The following PIK3C3 variants were observed in gnomAD, a reference collection of about 807,000 sequenced individuals.
PIK3C3 encodes the protein phosphatidylinositol 3-kinase catalytic subunit type 3.
In PIK3C3, 95 loss-of-function variants were observed where a neutral mutation model predicts 126.1. The ratio of observed to expected loss-of-function variants is 0.75; its 90% CI spans 0.64 to 0.89. The LOEUF is 0.89. PIK3C3 is among the 40% of genes least tolerant of loss of function. PIK3C3 has a pLI of 0.00. For synonymous variants in PIK3C3, 374 were observed against 360.0 expected (o/e 1.04, Z -0.44); for missense variants, 829 against 1,063.2 (o/e 0.78, Z 3.06).
intron 10 of PIK3C3, among the ~76,000 whole-genome samples, chr18:42,009,942 G>A (rs1315663168): frequency 2.0e-5 from 3 of 152,074 alleles, no homozygotes. Flanking sequence ...GCAGAAGGTT[G>A]GGTTACCTGT....
At chr18:42,023,880 G>A (rs1003322288) in intron 13 of PIK3C3, among the ~76,000 whole-genome samples, 4 of 151,986 alleles carry the variant, frequency 2.6e-5, no homozygotes, top group East Asian at 1.9e-4. Flanking sequence ...TCCCTTTCTG[G>A]TGATTTAAAC....
Position 42,015,495 on chromosome 18 carries a change from C to T in PIK3C3, c.1345C>T (p.Pro449Ser). The change falls in exon 12 of 25, where the codon CCC (proline) becomes TCC (serine). Residue 449 changes from proline to serine, a missense_variant. By Grantham distance (74) the Pro-to-Ser change is moderately conservative (BLOSUM62 -1). Coordinates refer to ENST00000262039, the MANE Select transcript of PIK3C3 (RefSeq NM_002647.4). Reference protein sequence around the residue: ...EIDSSQIITSPLPSVSSPPPA... With the variant: ...EIDSSQIITSSLPSVSSPPPA... Reference sequence around the variant, plus strand: ...TTTCAGCTCCCAAATTATAACCAGCCCCCTTCCTTCAGTCTCTTCACCTCC... The same window carrying T: ...TTTCAGCTCCCAAATTATAACCAGCTCCCTTCCTTCAGTCTCTTCACCTCC... The T allele has an allele frequency of 4.3e-6, 7 of 1,613,410 alleles. No individual in the cohort carries two copies. The highest frequency in any genetic ancestry group is 5.9e-6 in the Non-Finnish European group (7 of 1,179,650).
intron 12 of PIK3C3, among the ~76,000 whole-genome samples, chr18:42,017,883 ACT>A (rs1414813179): frequency 3.3e-5 from 5 of 151,180 alleles, no homozygotes; most frequent in Non-Finnish European, 5.9e-5. Flanking sequence ...CTAGTTTAAC[ACT>A]CTGTTTTATA....
intron 7 of PIK3C3, 76 bp from the exon 8 acceptor site, chr18:41,995,814 T>C: frequency 9.8e-7 from 1 of 1,016,954 alleles, no homozygotes. Flanking sequence ...CCTAAGTACC[T>C]TTTCTATTTA....
intron 13 of PIK3C3, among the ~76,000 whole-genome samples, chr18:42,021,764 ACT>A (rs1983333746): frequency 1.3e-5 from 2 of 151,958 alleles, no homozygotes; most frequent in Admixed American, 1.3e-4. Flanking sequence ...AAAATCCAAA[ACT>A]CTATGATCAT....
In PIK3C3 at chr18:42,087,829, A is replaced by C. The variant is rs1229831968; in HGVS notation, c.*6692A>C. ...TCAATAAATGTTTCATAAATGAGTA[A>C]ATGAATGTTTTAATTTCAATAAGAT... is the stretch of plus-strand genomic sequence containing the variant. On this transcript the variant is annotated 3_prime_UTR_variant, in exon 25 of 25. Coordinates refer to ENST00000262039, the MANE Select transcript of PIK3C3 (RefSeq NM_002647.4). 1 of 152,218 alleles carries C rather than the reference A, an allele frequency of 6.6e-6. No homozygotes were observed. Among genetic ancestry groups the C allele is most frequent in the Non-Finnish European group, 1.5e-5 (1 of 68,034 alleles). The allele number at this position is 152,218 out of a possible 1,614,324, so 9.4% of individuals were successfully genotyped here.
At chr18:42,000,064 T>C (rs1257018165) in intron 9 of PIK3C3, among the ~76,000 whole-genome samples, 2 of 152,200 alleles carry the variant, frequency 1.3e-5, no homozygotes, top group Non-Finnish European at 2.9e-5. Flanking sequence ...TTCTCTTTTT[T>C]TCTTTGGAGA....
In PIK3C3 at chr18:42,043,256, G is replaced by A. The variant is rs150963845; in HGVS notation, c.2104-477G>A. ...TGGGACTACAGGTGCCTGCCACCAC[G>A]CTAATTTTTGTATTTTAGTAGAGAC... is the stretch of plus-strand genomic sequence containing the variant. On this transcript the variant is annotated intron_variant, in intron 19 of 24. Coordinates refer to ENST00000262039, the MANE Select transcript of PIK3C3 (RefSeq NM_002647.4). Among the ~76,000 whole-genome samples, 170 of 151,934 alleles carry A rather than the reference G, an allele frequency of 1.1e-3. 2 individuals are homozygous for A. In the East Asian group the frequency reaches 0.013, roughly 11 times the overall value.
intron 15 of PIK3C3, among the ~76,000 whole-genome samples, chr18:42,032,539 T>G (rs919099431): frequency 6.6e-6 from 1 of 152,084 alleles, no homozygotes; most frequent in Non-Finnish European, 1.5e-5. Context: ...GAAATCATGG[T>G]GGCTGGGTTC....
chr18:41,999,558 A>C, intron 9 of PIK3C3, among the ~76,000 whole-genome samples: 1 of 152,132 alleles, frequency 6.6e-6, no homozygotes, highest in East Asian at 1.9e-4. Context: ...TTCAGCAAGT[A>C]TTCATTATCA....
chr18:41,990,449 T>C lies in PIK3C3; in HGVS notation c.619-10T>C. On this transcript the variant is annotated splice_polypyrimidine_tract_variant and intron_variant, in intron 5 of 24. Coordinates refer to ENST00000262039, the MANE Select transcript of PIK3C3 (RefSeq NM_002647.4). ...TAATCATTTTTCATGAAAATCATTT[T>C]TTTTTTCAGAGTGAAAAACGAAGTT... The C allele has an allele frequency of 6.8e-7, 1 of 1,460,930 alleles. No homozygotes were observed. Among genetic ancestry groups the C allele is most frequent in the Non-Finnish European group, 9.6e-7 (1 of 1,042,544 alleles). The allele number at this position is 1,460,930 out of a possible 1,614,324, so 90.5% of individuals were successfully genotyped here. A position where few individuals can be genotyped will look rare whatever the true frequency, so the allele number is the denominator to read the frequency against.
intron 16 of PIK3C3, among the ~76,000 whole-genome samples, chr18:42,036,914 T>G (rs1282785684): frequency 6.6e-6 from 1 of 152,208 alleles, no homozygotes; most frequent in Non-Finnish European, 1.5e-5. Flanking sequence ...TCCAGCTGAC[T>G]TTATGTCATG....
chr18:42,015,051 G>A (rs1355097934), intron 11 of PIK3C3, among the ~76,000 whole-genome samples: 2 of 151,916 alleles, frequency 1.3e-5, no homozygotes, highest in Non-Finnish European at 2.9e-5. Context: ...TCCAACTTAC[G>A]GTCTACTAGT....
chr18:41,985,189 G>T (rs1981406173), intron 4 of PIK3C3: 1 of 151,974 alleles, frequency 6.6e-6, no homozygotes, highest in Non-Finnish European at 1.5e-5. Flanking sequence ...GAGACTACAA[G>T]AAAAAATTAT....
At chr18:42,045,524 G>A (rs2144483804) in intron 20 of PIK3C3, among the ~76,000 whole-genome samples, 1 of 152,300 alleles carries the variant, frequency 6.6e-6, no homozygotes, top group African/African-American at 2.4e-5. Context: ...CACATGACCT[G>A]TCCCTGGCTT....
At chr18:42,073,722 A>ATT (rs11373835) in intron 24 of PIK3C3, among the ~76,000 whole-genome samples, 70 of 147,880 alleles carry the variant, frequency 4.7e-4, no homozygotes, top group South Asian at 1.3e-3. Context: ...TTCTTGAGTA[A>ATT]TTTTTTTTTT....
intron 14 of PIK3C3, 46 bp downstream of exon 14, chr18:42,027,594 A>G (rs780081005): frequency 2.8e-6 from 3 of 1,072,290 alleles, no homozygotes; most frequent in Admixed American, 1.8e-5. Flanking sequence ...ACATGGGCCA[A>G]ATTCAGCCTG....
At chr18:42,027,907 C>T (rs901636448) in intron 14 of PIK3C3, among the ~76,000 whole-genome samples, 2 of 152,154 alleles carry the variant, frequency 1.3e-5, no homozygotes, top group Admixed American at 6.5e-5. Flanking sequence ...GCACCTGCCT[C>T]GGCCTCCCAA....
At chr18:42,061,082 C>T (rs868745888) in intron 22 of PIK3C3, among the ~76,000 whole-genome samples, 31 of 152,126 alleles carry the variant, frequency 2.0e-4, no homozygotes, top group Middle Eastern at 3.2e-3. Flanking sequence ...TTTAAACTAT[C>T]TTTGTGTGAC....
Sources: gnomAD v4.1 joint callset for allele counts (sites outside exome capture counted in the v4.1 genomes callset) on GRCh38, gnomAD v4.1.1 for gene constraint, MANE v1.5 for transcripts, NCBI Gene and HGNC (gene_info 2026-07-23, HGNC 2026-07-21) for gene names.